EPHA3: variants seen among roughly 807,000 people sequenced by gnomAD.
The protein encoded by EPHA3 is ephrin type-A receptor 3.
Under a neutral mutation model 107.1 loss-of-function variants are expected in EPHA3, and 42 were observed. That is an observed-to-expected ratio of 0.39 (90% CI 0.31 to 0.51). The LOEUF (loss-of-function observed/expected upper bound fraction) is 0.51. Among genes scored for constraint, EPHA3 ranks in the 20% least tolerant of loss-of-function variants. EPHA3 has a pLI of 0.78. For missense variants in EPHA3, 1,183 were observed against 1,211.2 expected, an observed-to-expected ratio of 0.98 and a Z score of 0.35; for synonymous variants, 461 against 424.8, an observed-to-expected ratio of 1.09 and a Z score of -1.05.
intron 10 of EPHA3, among the ~76,000 whole-genome samples, chr3:89,416,497 T>C (rs1321660729): frequency 6.6e-6 from 1 of 151,432 alleles, no homozygotes; most frequent in Non-Finnish European, 1.5e-5. Flanking sequence ...TTTATTGAGA[T>C]ACAATTTACC....
chr3:89,393,886 C>G (rs1238546821), intron 5 of EPHA3, among the ~76,000 whole-genome samples: 3 of 151,906 alleles, frequency 2.0e-5, no homozygotes, highest in Non-Finnish European at 4.4e-5. Flanking sequence ...AGAAAAATAA[C>G]TTATCTTTTG....
Position 89,422,978 on chromosome 3 carries a change from T to C in EPHA3, c.2074+3588T>C, listed in dbSNP as rs1209563048. Among the ~76,000 whole-genome samples the C allele has an allele frequency of 3.3e-5, 5 of 151,340 alleles. No homozygotes were observed. In the East Asian group the frequency reaches 9.7e-4, roughly 29 times the overall value. Reference sequence around the variant, plus strand: ...ACAGGCTCTGCTCACAACAAGGTACTAACATGTGTTATCAATTTTAGCTGA... The same window carrying C: ...ACAGGCTCTGCTCACAACAAGGTACCAACATGTGTTATCAATTTTAGCTGA... On this transcript the variant is annotated intron_variant, in intron 11 of 16. Transcript: ENST00000336596.
chr3:89,273,646 G>C (rs1705734188), intron 3 of EPHA3, among the ~76,000 whole-genome samples: 1 of 151,778 alleles, frequency 6.6e-6, no homozygotes, highest in Non-Finnish European at 1.5e-5. Flanking sequence ...GCTGCTCCTA[G>C]GGGAAATACA....
chr3:89,190,538 AAG>A (rs1047793084), intron 2 of EPHA3, among the ~76,000 whole-genome samples: 101 of 152,326 alleles, frequency 6.6e-4, no homozygotes, highest in African/African-American at 2.3e-3. Context: ...GTTTAAACAA[AAG>A]AAGTATTTTT....
At chr3:89,111,313 T>A (rs1266470920) in intron 1 of EPHA3, among the ~76,000 whole-genome samples, 1 of 152,064 alleles carries the variant, frequency 6.6e-6, no homozygotes. Flanking sequence ...ATATAAACAC[T>A]TTTCCTCAAA....
chr3:89,368,325 G>T (rs1263681013), intron 5 of EPHA3, among the ~76,000 whole-genome samples: 3 of 150,482 alleles, frequency 2.0e-5, no homozygotes, highest in African/African-American at 7.3e-5. Flanking sequence ...CTATAAGGTA[G>T]TATATTAGTT....
chr3:89,151,580 C>A (rs1485125590), intron 2 of EPHA3, among the ~76,000 whole-genome samples: 1 of 152,086 alleles, frequency 6.6e-6, no homozygotes, highest in South Asian at 2.1e-4. Context: ...GATGCCACAG[C>A]ACGTGCCAGC....
At chr3:89,373,437 C>T (rs1708345186) in intron 5 of EPHA3, among the ~76,000 whole-genome samples, 1 of 151,862 alleles carries the variant, frequency 6.6e-6, no homozygotes, top group African/African-American at 2.4e-5. Context: ...ATCCATCTTA[C>T]CTCACAAAAC....
intron 7 of EPHA3, among the ~76,000 whole-genome samples, chr3:89,402,976 C>T (rs562475214): frequency 4.5e-4 from 68 of 152,190 alleles, no homozygotes; most frequent in East Asian, 9.7e-4. Context: ...CCGTGCCCAG[C>T]CGGTTTTAAT....
chr3:89,351,924 G>C (rs1482179384), intron 5 of EPHA3, among the ~76,000 whole-genome samples: 1 of 133,386 alleles, frequency 7.5e-6, no homozygotes, highest in African/African-American at 2.9e-5. Flanking sequence ...CAAGGCAGAT[G>C]CAAAAAAAAA....
intron 13 of EPHA3, among the ~76,000 whole-genome samples, chr3:89,433,233 G>T (rs1709603279): frequency 6.6e-6 from 1 of 151,938 alleles, no homozygotes; most frequent in African/African-American, 2.4e-5. Flanking sequence ...TCAGCTAAGA[G>T]AATAGGTGGT....
At chr3:89,198,969 C>T (rs1229029688) in intron 2 of EPHA3, among the ~76,000 whole-genome samples, 1 of 152,176 alleles carries the variant, frequency 6.6e-6, no homozygotes, top group East Asian at 1.9e-4. Flanking sequence ...TATCTTCAAG[C>T]AGTTATACTG....
chr3:89,325,506 T>C (rs1707145831), intron 3 of EPHA3, among the ~76,000 whole-genome samples: 1 of 152,188 alleles, frequency 6.6e-6, no homozygotes, highest in South Asian at 2.1e-4. Flanking sequence ...AATATAAGCC[T>C]GAAGACATGG....
chr3:89,243,667 G>T (rs1316535812), intron 3 of EPHA3, among the ~76,000 whole-genome samples: 1 of 152,086 alleles, frequency 6.6e-6, no homozygotes, highest in Non-Finnish European at 1.5e-5. Context: ...GTAGCCCTTC[G>T]TCAGATGAGT....
chr3:89,195,926 A>G (rs546369375), intron 2 of EPHA3, among the ~76,000 whole-genome samples: 40 of 152,198 alleles, frequency 2.6e-4, no homozygotes, highest in African/African-American at 9.4e-4. Flanking sequence ...CTAATTTTCT[A>G]CTATTGTCTT....
chr3:89,341,186 C>A, intron 4 of EPHA3, 115 bp downstream of exon 4: 1 of 1,122,684 alleles, frequency 8.9e-7, no homozygotes, highest in Non-Finnish European at 1.2e-6. Flanking sequence ...TGCCCGTGTG[C>A]AAATTGAAAG....
chr3:89,359,812 CAT>C (rs1491492460), intron 5 of EPHA3, among the ~76,000 whole-genome samples: 6 of 141,414 alleles, frequency 4.2e-5, no homozygotes, highest in African/African-American at 1.0e-4. Flanking sequence ...CATATATATA[CAT>C]ATATATACAT....
intron 15 of EPHA3, among the ~76,000 whole-genome samples, chr3:89,470,207 A>G (rs552217907): frequency 6.6e-6 from 1 of 152,238 alleles, no homozygotes; most frequent in African/African-American, 2.4e-5. Flanking sequence ...GACTATTCTA[A>G]TGAAGCCCCT....
At chr3:89,180,251 C>T (rs554996180) in intron 2 of EPHA3, among the ~76,000 whole-genome samples, 1 of 151,674 alleles carries the variant, frequency 6.6e-6, no homozygotes, top group African/African-American at 2.4e-5. Flanking sequence ...TTAAATAGAC[C>T]AGGCTTGAAT....
Sources: gnomAD v4.1 joint callset for allele counts (sites outside exome capture counted in the v4.1 genomes callset) on GRCh38, gnomAD v4.1.1 for gene constraint, MANE v1.5 for transcripts, NCBI Gene and HGNC (gene_info 2026-07-23, HGNC 2026-07-21) for gene names.